The following ELFN2 variants were observed in gnomAD, a reference collection of about 807,000 sequenced individuals.
ELFN2 encodes the protein extracellular leucine rich repeat and fibronectin type III domain containing 2.
A neutral mutation model predicts 45.5 loss-of-function variants in ELFN2; 17 were observed. That is an observed-to-expected ratio of 0.37 (90% confidence interval 0.26 to 0.56). The LOEUF (loss-of-function observed/expected upper bound fraction) is 0.56, where lower values mean the gene tolerates loss of function less well. Ranked by LOEUF, ELFN2 falls within the 20% of genes least tolerant of loss-of-function variation. The pLI is 0.77. For synonymous variants in ELFN2, 550 were observed against 551.5 expected (o/e 1.00, Z 0.04); for missense variants, 922 against 1,183.2 (o/e 0.78, Z 3.24).
chr22:37,351,021 G>A lies in ELFN2; in HGVS notation n.149-8318C>T, dbSNP rs961308663. ...TACATGGCTTCTCCTCTCCAGGCCC[G>A]GTTCCTCCTCTTTTAAATGAGGGGT... On this transcript the variant is annotated intron_variant and non_coding_transcript_variant, in intron 1 of 2. Transcript: ENST00000452946. Among the ~76,000 whole-genome samples the A allele has an allele frequency of 1.1e-4, 17 of 150,224 alleles. 1 individual carries two copies. The highest frequency in any genetic ancestry group is 3.2e-4 in the African/African-American group (13 of 41,232).
At chr22:37,354,609 T>C (rs1047442761) in intron 1 of ELFN2, 1 of 151,964 alleles carries the variant, frequency 6.6e-6, no homozygotes, top group Non-Finnish European at 1.5e-5. Context: ...CCCCTGGGGG[T>C]AGGGTTGCCA....
At chr22:37,419,220 A>G (rs1932790211) in intron 1 of ELFN2, among the ~76,000 whole-genome samples, 1 of 151,862 alleles carries the variant, frequency 6.6e-6, no homozygotes, top group South Asian at 2.1e-4. Flanking sequence ...GAGAACTAGC[A>G]GGGCCGGCTT....
intron 1 of ELFN2, among the ~76,000 whole-genome samples, chr22:37,345,967 G>A (rs1156933089): frequency 6.6e-6 from 1 of 152,074 alleles, no homozygotes; most frequent in African/African-American, 2.4e-5. Flanking sequence ...CCCCAGATGT[G>A]GTTCTGAGCA....
chr22:37,373,064 G>A lies in ELFN2; in HGVS notation c.*8C>T, dbSNP rs1931422460. The stretch of plus-strand genomic sequence containing the variant: ...TGGCTCCGACCTCACCAGGGAGGAA[G>A]GGGGGGGTCACAGCTTCTGCTGGGC... On this transcript the variant is annotated 3_prime_UTR_variant, in exon 3 of 3. Transcript: ENST00000402918. The A allele has an allele frequency of 1.9e-6, 3 of 1,570,990 alleles. No individual in the cohort carries two copies.
Position 37,350,783 on chromosome 22 carries a change from G to A in ELFN2, n.149-8080C>T, listed in dbSNP as rs149591918. On this transcript the variant is annotated intron_variant and non_coding_transcript_variant, in intron 1 of 2. Transcript: ENST00000452946. Reference sequence around the variant, plus strand: ...CCACCGAGAGGGGCCGCTGGGAGGCGGGACAGGCAAGGTGGTGCTTCTCCA... The same window carrying A: ...CCACCGAGAGGGGCCGCTGGGAGGCAGGACAGGCAAGGTGGTGCTTCTCCA... Among the ~76,000 whole-genome samples the A allele has an allele frequency of 5.2e-3, 770 of 149,362 alleles. 19 individuals are homozygous for A. Among genetic ancestry groups the A allele is most frequent in the African/African-American group, 0.017 (701 of 40,988 alleles).
intron 1 of ELFN2, among the ~76,000 whole-genome samples, chr22:37,344,714 G>A (rs1384050731): frequency 6.6e-6 from 1 of 152,140 alleles, no homozygotes; most frequent in Non-Finnish European, 1.5e-5. Context: ...TCCCCAGCAT[G>A]GCTGACCTCT....
At chr22:37,365,232 A>G (rs1003822322), downstream of ELFN2, among the ~76,000 whole-genome samples, 1 of 152,206 alleles carries the variant, frequency 6.6e-6, no homozygotes, top group Non-Finnish European at 1.5e-5. Flanking sequence ...TGCAGCCACA[A>G]GGGCTCATTT....
rs1195704393 is a variant in ELFN2 at position 37,417,586 on chromosome 22, T to C, written c.-463+183A>G. On this transcript the variant is annotated intron_variant, in intron 2 of 2. Transcript: ENST00000402918. This position sits in a 1 kb window ranked among gnomAD's most constrained non-coding sequence, Gnocchi z 4.5. ...GCCTGCCGCTCTGCAGGCCGCCTCA[T>C]AGGCCCTGTGGAAGGAAAGCTGGGT... is the stretch of plus-strand genomic sequence containing the variant. Among the ~76,000 whole-genome samples, 1 of 152,012 alleles carries C rather than the reference T, an allele frequency of 6.6e-6. No homozygotes were observed. Among genetic ancestry groups the C allele is most frequent in the African/African-American group, 2.4e-5 (1 of 41,398 alleles).
In ELFN2 at chr22:37,375,623, C is replaced by T; in HGVS notation, c.-89G>A. 2 of 1,420,972 alleles carry T rather than the reference C, an allele frequency of 1.4e-6. No individual in the cohort carries two copies. Among genetic ancestry groups the T allele is most frequent in the Non-Finnish European group, 1.9e-6 (2 of 1,073,240 alleles). The allele number at this position is 1,420,972 out of a possible 1,614,324, so 88.0% of individuals were successfully genotyped here. A position where few individuals can be genotyped will look rare whatever the true frequency, so the allele number is the denominator to read the frequency against. On this transcript the variant is annotated 5_prime_UTR_variant, in exon 3 of 3. Transcript: ENST00000402918. ...GCTGGCAGTACAGTCCTCCCTGGGG[C>T]CGCCACCATCTTGGGGGCGACCCCC...
Position 37,371,488 on chromosome 22 carries a change from G to A in ELFN2, c.*1584C>T, listed in dbSNP as rs1468483458. The stretch of plus-strand genomic sequence containing the variant: ...ACCCCGCTGGGCCAGCTCCCACCCA[G>A]AGGTGAAGGATGATGGACTCCGGCC... On this transcript the variant is annotated 3_prime_UTR_variant, in exon 3 of 3. Transcript: ENST00000402918. The surrounding 1 kb of genome is among the most constrained non-coding windows in gnomAD (Gnocchi z 6.4). 6.6e-6 allele frequency: 1 copy of A among 152,282 alleles called. No homozygotes were observed. Among genetic ancestry groups the A allele is most frequent in the Non-Finnish European group, 1.5e-5 (1 of 68,070 alleles). The allele number at this position is 152,282 out of a possible 1,614,324, so 9.4% of individuals were successfully genotyped here. A position where few individuals can be genotyped will look rare whatever the true frequency, so the allele number is the denominator to read the frequency against.
chr22:37,386,237 G>C (rs1931943084), intron 2 of ELFN2, among the ~76,000 whole-genome samples: 1 of 152,186 alleles, frequency 6.6e-6, no homozygotes, highest in South Asian at 2.1e-4. Context: ...CAGGAGACCT[G>C]AGTTCCTGAA....
chr22:37,397,475 C>T (rs7286042), intron 2 of ELFN2, among the ~76,000 whole-genome samples: 32,348 of 152,174 alleles, frequency 0.21, 3,653 homozygotes, highest in Admixed American at 0.33. Flanking sequence ...ATCAGGAAGC[C>T]GTCCAGTACG....
At chr22:37,378,954 A>G (rs1403255980) in intron 2 of ELFN2, among the ~76,000 whole-genome samples, 1 of 152,178 alleles carries the variant, frequency 6.6e-6, no homozygotes, top group African/African-American at 2.4e-5. Flanking sequence ...TCACATGGCC[A>G]AGGTCATGCC....
chr22:37,348,535 C>T (rs1006208926), intron 1 of ELFN2, among the ~76,000 whole-genome samples: 1 of 150,770 alleles, frequency 6.6e-6, no homozygotes, highest in African/African-American at 2.4e-5. Flanking sequence ...GTCCCATGGC[C>T]TTGCAGGGAA....
rs576170020 is a variant in ELFN2, at chr22:37,419,129, C to T, written c.-613-1210G>A. Among the ~76,000 whole-genome samples the T allele has an allele frequency of 1.1e-4, 16 of 152,052 alleles. No homozygotes were observed. The East Asian group carries it at 2.1e-3, about 20-fold the overall frequency. ...AGTGCTGGCAGCCAGCGGCGCCCAA[C>T]GGAAAATAAACACACACTCGGGCCT... On this transcript the variant is annotated intron_variant, in intron 1 of 2. Transcript: ENST00000402918.
rs775428547 is a variant in ELFN2, at chr22:37,405,016, TG to T, written c.-463+12752del. ...GAAGGAAGGACTGGGCCTCAGGCCC[TG>T]GGCTGAATCCTGGGTCCCCTACTTA... On this transcript the variant is annotated intron_variant, in intron 2 of 2. Coordinates refer to ENST00000402918, the MANE Select transcript of ELFN2 (RefSeq NM_052906.5). Among the ~76,000 whole-genome samples, 122 of 151,116 alleles carry T rather than the reference TG, an allele frequency of 8.1e-4. 1 individual carries two copies. Among genetic ancestry groups the T allele is most frequent in the Non-Finnish European group, 1.0e-3 (70 of 67,896 alleles).
At chr22:37,398,779 C>T (rs1360752631) in intron 2 of ELFN2, among the ~76,000 whole-genome samples, 1 of 152,096 alleles carries the variant, frequency 6.6e-6, no homozygotes, top group Non-Finnish European at 1.5e-5. Flanking sequence ...CATGTGTGCA[C>T]ACATGTGCAC....
chr22:37,345,817 A>T lies in ELFN2; in HGVS notation n.149-3114T>A, dbSNP rs533848553. Among the ~76,000 whole-genome samples the T allele has an allele frequency of 5.3e-5, 8 of 152,244 alleles. 1 individual carries two copies. In the South Asian group the frequency reaches 1.7e-3, roughly 32 times the overall value. ...TGCCTCAGCCTCCCAAAGTGCTGGG[A>T]TTACAGGCATGAGCCACCACACCCG... is the stretch of plus-strand genomic sequence containing the variant. On this transcript the variant is annotated intron_variant and non_coding_transcript_variant, in intron 1 of 2. Coordinates refer to ENST00000452946, the Ensembl canonical transcript of ELFN2.
At chr22:37,391,468 G>A (rs997425241) in intron 2 of ELFN2, among the ~76,000 whole-genome samples, 31 of 152,220 alleles carry the variant, frequency 2.0e-4, no homozygotes, top group African/African-American at 6.7e-4. Flanking sequence ...GCCGGCACCC[G>A]CTGTGTGCCA....
Sources: allele counts gnomAD v4.1 joint callset (sites outside exome capture counted in the v4.1 genomes callset), GRCh38; gene constraint gnomAD v4.1.1; non-coding constraint Gnocchi (gnomAD v3.1); transcripts MANE v1.5; gene names NCBI Gene and HGNC (gene_info 2026-07-23, HGNC 2026-07-21).